The following DLGAP2 variants were observed in gnomAD, a reference collection of about 807,000 sequenced individuals.
DLGAP2 encodes disks large-associated protein 2.
Under a neutral mutation model 100.3 loss-of-function variants are expected in DLGAP2, and 26 were observed. The ratio of observed to expected loss-of-function variants is 0.26; its 90% CI spans 0.19 to 0.36. DLGAP2 has a LOEUF of 0.36. DLGAP2 is among the 10% of genes least tolerant of loss of function. The pLI, the probability that DLGAP2 is intolerant of heterozygous loss-of-function variation, is 1.00. For synonymous variants in DLGAP2, 886 were observed against 630.1 expected, an observed-to-expected ratio of 1.41 and a Z score of -6.08; for missense variants, 1,858 against 1,453.2, an observed-to-expected ratio of 1.28 and a Z score of -4.53.
At chr8:1,372,121 C>T (rs1444337929) in intron 3 of DLGAP2, among the ~76,000 whole-genome samples, 2 of 152,148 alleles carry the variant, frequency 1.3e-5, no homozygotes, top group Admixed American at 6.5e-5. Context: ...GACCTGGGCC[C>T]TCACCTGCAG....
At chr8:1,371,424 A>G (rs540024383) in intron 3 of DLGAP2, among the ~76,000 whole-genome samples, 3 of 152,286 alleles carry the variant, frequency 2.0e-5, no homozygotes, top group Admixed American at 6.5e-5. Context: ...GACTCCAGGC[A>G]TGGGAGATGG....
chr8:1,605,170 C>G (rs778040231), intron 6 of DLGAP2, among the ~76,000 whole-genome samples: 2 of 152,094 alleles, frequency 1.3e-5, no homozygotes, highest in Admixed American at 1.3e-4. Context: ...GAGCAACATC[C>G]GTGACTTACC....
At chr8:1,139,371 C>T (rs1158995508) in intron 2 of DLGAP2, among the ~76,000 whole-genome samples, 1 of 152,256 alleles carries the variant, frequency 6.6e-6, no homozygotes, top group Non-Finnish European at 1.5e-5. Flanking sequence ...ATTTCCTTCT[C>T]ACAGTTCTGC....
chr8:760,088 T>A (rs1470887803), intron 1 of DLGAP2, among the ~76,000 whole-genome samples: 9 of 152,218 alleles, frequency 5.9e-5, no homozygotes, highest in Admixed American at 4.6e-4. Flanking sequence ...ACATTTTCCC[T>A]GCAGAGCTGA....
At chr8:995,597 G>C (rs927327300) in intron 2 of DLGAP2, among the ~76,000 whole-genome samples, 1 of 152,154 alleles carries the variant, frequency 6.6e-6, no homozygotes, top group African/African-American at 2.4e-5. Context: ...GTTATAGGAA[G>C]AATCTCCCCT....
At chr8:1,498,740 C>T (rs1156893330) in intron 3 of DLGAP2, among the ~76,000 whole-genome samples, 1 of 152,174 alleles carries the variant, frequency 6.6e-6, no homozygotes, top group African/African-American at 2.4e-5. Context: ...TCTCTCAAAG[C>T]AGCTTATTTC....
chr8:904,721 G>T (rs1042198281), intron 1 of DLGAP2, among the ~76,000 whole-genome samples: 1 of 152,182 alleles, frequency 6.6e-6, no homozygotes, highest in African/African-American at 2.4e-5. Flanking sequence ...AGACACCTCG[G>T]GGTGACCGCT....
intron 2 of DLGAP2, among the ~76,000 whole-genome samples, chr8:1,169,423 T>G (rs1015051537): frequency 3.3e-5 from 5 of 152,288 alleles, no homozygotes; most frequent in South Asian, 2.1e-4. Flanking sequence ...GTGAAGAAAG[T>G]CATTGGTAGC....
intron 2 of DLGAP2, chr8:1,247,169 G>C (rs1386269606): frequency 1.9e-5 from 1 of 53,074 alleles, no homozygotes. Context: ...GATCAGTGTG[G>C]GAGTGATGGC....
intron 1 of DLGAP2, among the ~76,000 whole-genome samples, chr8:875,632 T>C (rs1797675703): frequency 6.6e-6 from 1 of 152,212 alleles, no homozygotes; most frequent in Non-Finnish European, 1.5e-5. Context: ...CTTTATAAAT[T>C]ACCCAGTCGT....
chr8:1,683,580 G>C (rs1799014841), intron 12 of DLGAP2, among the ~76,000 whole-genome samples: 1 of 150,890 alleles, frequency 6.6e-6, no homozygotes, highest in South Asian at 2.1e-4. Context: ...ATCATCCACA[G>C]ACAGTGCCTC....
chr8:1,326,921 A>G (rs1249774668), intron 3 of DLGAP2, among the ~76,000 whole-genome samples: 1 of 152,224 alleles, frequency 6.6e-6, no homozygotes, highest in South Asian at 2.1e-4. Flanking sequence ...AGTGGAAAAA[A>G]CTGTTACATA....
At chr8:883,790 C>A (rs548421057) in intron 1 of DLGAP2, among the ~76,000 whole-genome samples, 37 of 152,298 alleles carry the variant, frequency 2.4e-4, no homozygotes, top group African/African-American at 6.5e-4. Flanking sequence ...TTCCTCCCCC[C>A]ACTCCCTAAC....
At chr8:1,028,020 G>A (rs1416535695) in intron 2 of DLGAP2, among the ~76,000 whole-genome samples, 3 of 119,432 alleles carry the variant, frequency 2.5e-5, no homozygotes, top group Admixed American at 9.2e-5. Flanking sequence ...GCCAGGTGCC[G>A]GTTACTCTCC....
At chr8:1,186,679 T>A (rs1001732031) in intron 2 of DLGAP2, among the ~76,000 whole-genome samples, 4 of 152,106 alleles carry the variant, frequency 2.6e-5, no homozygotes, top group Admixed American at 6.5e-5. Flanking sequence ...TCATGGAGGT[T>A]GGGACTGGGG....
At chr8:1,218,419 G>A (rs556272891) in intron 2 of DLGAP2, among the ~76,000 whole-genome samples, 20 of 152,062 alleles carry the variant, frequency 1.3e-4, no homozygotes, top group Admixed American at 3.3e-4. Flanking sequence ...CTTTATTTGG[G>A]GGTTCTCTAT....
At chr8:1,229,429 A>G (rs1242160553) in intron 2 of DLGAP2, among the ~76,000 whole-genome samples, 1 of 152,024 alleles carries the variant, frequency 6.6e-6, no homozygotes, top group Non-Finnish European at 1.5e-5. Flanking sequence ...TAGGGTTTGT[A>G]TTTCTTGCTG....
intron 4 of DLGAP2, among the ~76,000 whole-genome samples, chr8:1,531,728 G>C (rs1346828093): frequency 6.6e-6 from 1 of 152,102 alleles, no homozygotes; most frequent in Non-Finnish European, 1.5e-5. Flanking sequence ...AACTCGTGTG[G>C]TCTTGGTGTG....
At chr8:1,689,576 C>A (rs923620709) in intron 12 of DLGAP2, among the ~76,000 whole-genome samples, 2 of 152,166 alleles carry the variant, frequency 1.3e-5, no homozygotes, top group Non-Finnish European at 2.9e-5. Flanking sequence ...AACCGCAGCA[C>A]TTTCAGTTTT....
Sources: allele counts gnomAD v4.1 joint callset (sites outside exome capture counted in the v4.1 genomes callset), GRCh38; gene constraint gnomAD v4.1.1; transcripts MANE v1.5; gene names NCBI Gene and HGNC (gene_info 2026-07-23, HGNC 2026-07-21).